The following ATAD3B variants were observed in gnomAD, a reference collection of about 807,000 sequenced individuals.
ATAD3B encodes ATPase family AAA domain containing 3B, also known as ATPase family AAA domain-containing protein 3B.
In ATAD3B, 59 loss-of-function variants were observed where a neutral mutation model predicts 70.2. The observed-to-expected ratio is 0.84, with a 90% CI of 0.68 to 1.04. The LOEUF (loss-of-function observed/expected upper bound fraction) is 1.04. Among genes scored for constraint, ATAD3B ranks in the 50% least tolerant of loss-of-function variants. The pLI is 0.00. For synonymous variants in ATAD3B, 423 were observed against 388.6 expected (o/e 1.09, Z -1.04); for missense variants, 961 against 913.4 (o/e 1.05, Z -0.67).
At chr1:1,503,554 C>T in the ATAD3B span, 4 of 1,595,914 alleles carry the variant, frequency 2.5e-6, no homozygotes, top group African/African-American at 4.0e-5. Context: ...TGTATCCTAA[C>T]ACCCGCCCTC....
At chr1:1,501,993 C>G (rs1033288479), downstream of ATAD3B, among the ~76,000 whole-genome samples, 1 of 151,922 alleles carries the variant, frequency 6.6e-6, no homozygotes, top group African/African-American at 2.4e-5. Context: ...ATTCTCCTGG[C>G]TCAGCCTCCC....
chr1:1,507,386 G>A, the ATAD3B span, among the ~76,000 whole-genome samples: 1 of 152,182 alleles, frequency 6.6e-6, no homozygotes, highest in African/African-American at 2.4e-5. Context: ...ATAAAAGGGT[G>A]TTGAATTTGG....
At chr1:1,491,581 G>T (rs1428992547) in intron 15 of ATAD3B, among the ~76,000 whole-genome samples, 4 of 151,952 alleles carry the variant, frequency 2.6e-5, no homozygotes, top group Admixed American at 2.6e-4. Context: ...GCAAAACCAG[G>T]TCTGTGGGGT....
At position 1,495,644 on chromosome 1, in the gene ATAD3B, A is replaced by T; in HGVS notation, c.1774A>T (p.Thr592Ser). 1 of 1,612,540 alleles carries T rather than the reference A, an allele frequency of 6.2e-7. No homozygotes were observed. Among genetic ancestry groups the T allele is most frequent in the Non-Finnish European group, 8.5e-7 (1 of 1,179,152 alleles). Reference protein sequence around the residue: ...EHPLSGVQGETLTSWSLATDP... With the variant: ...EHPLSGVQGESLTSWSLATDP... ...CCCCCTATCCGGAGTCCAAGGCGAG[A>T]CCCTCACCTCATGGAGCCTGGCCAC... is the stretch of plus-strand genomic sequence containing the variant. Residue 592 changes from threonine (T) to serine (S), a missense_variant, in exon 16 of 16, where the codon ACC (threonine) becomes TCC (serine). By Grantham distance (58) the Thr-to-Ser change is moderately conservative (BLOSUM62 1). Coordinates refer to ENST00000673477, the MANE Select transcript of ATAD3B (RefSeq NM_031921.6).
chr1:1,498,571 C>T (rs1390718336), downstream of ATAD3B, among the ~76,000 whole-genome samples: 6 of 151,662 alleles, frequency 4.0e-5, no homozygotes, highest in Admixed American at 3.3e-4. Context: ...TTGGGTTTTT[C>T]TCCTCTCCTA....
At chr1:1,494,169 G>A (rs574060559) in intron 15 of ATAD3B, among the ~76,000 whole-genome samples, 2 of 150,096 alleles carry the variant, frequency 1.3e-5, no homozygotes, top group East Asian at 2.0e-4. Flanking sequence ...ACCCACCCGC[G>A]ACCAGGTTTT....
chr1:1,489,814 C>A, intron 13 of ATAD3B: 1 of 1,266,646 alleles, frequency 7.9e-7, no homozygotes, highest in Non-Finnish European at 1.0e-6. Context: ...TGACTCAGGT[C>A]CTTCCCAGAG....
intron 5 of ATAD3B, among the ~76,000 whole-genome samples, chr1:1,481,691 T>A (rs1213551141): frequency 7.0e-6 from 1 of 143,390 alleles, no homozygotes; most frequent in East Asian, 2.1e-4. Context: ...TGAGGGGGGC[T>A]TCCTTCAGAA....
At chr1:1,487,093 C>T (rs1323796930) in intron 11 of ATAD3B, among the ~76,000 whole-genome samples, 1 of 152,088 alleles carries the variant, frequency 6.6e-6, no homozygotes, top group Non-Finnish European at 1.5e-5. Context: ...TGACCCCGCG[C>T]AGGGCACAGC....
intron 1 of ATAD3B, among the ~76,000 whole-genome samples, chr1:1,474,900 G>A (rs1639516537): frequency 6.6e-6 from 1 of 150,858 alleles, no homozygotes; most frequent in South Asian, 2.1e-4. Context: ...CTTTCTTGCT[G>A]CAGGCTTATT....
At chr1:1,506,134 G>C in the ATAD3B span, among the ~76,000 whole-genome samples, 1 of 152,128 alleles carries the variant, frequency 6.6e-6, no homozygotes, top group Non-Finnish European at 1.5e-5. Context: ...CTGGGAGGCT[G>C]AGAGGCAGGA....
In ATAD3B at chr1:1,489,756, C is replaced by G. The variant is rs61744102; in HGVS notation, c.1337+482C>G. The G allele has an allele frequency of 5.1e-3, 6,690 of 1,306,758 alleles. 309 individuals carry two copies. The African/African-American group carries it at 0.089, about 17-fold the overall frequency. 80.9% of individuals were successfully genotyped at this position (1,306,758 alleles called of 1,614,324 possible). The stretch of plus-strand genomic sequence containing the variant: ...TCGGCCGTGGCTGACTCTTCAGGCA[C>G]GTTGGGCTCCTGGGTCAGCTGCTGC... On this transcript the variant is annotated intron_variant, in intron 13 of 15. Coordinates refer to ENST00000673477, the MANE Select transcript of ATAD3B (RefSeq NM_031921.6).
chr1:1,489,830 A>G, intron 13 of ATAD3B: 2 of 1,244,592 alleles, frequency 1.6e-6, no homozygotes, highest in Middle Eastern at 3.6e-4. Context: ...CAGAGAGGCA[A>G]GGCTGGGGCC....
chr1:1,508,631 A>G, the ATAD3B span, among the ~76,000 whole-genome samples: 2 of 151,388 alleles, frequency 1.3e-5, no homozygotes, highest in Admixed American at 1.3e-4. Flanking sequence ...TCTGGCAGAA[A>G]GGCTGGACCT....
At chr1:1,502,488 A>G (rs1318603385), downstream of ATAD3B, among the ~76,000 whole-genome samples, 6 of 145,720 alleles carry the variant, frequency 4.1e-5, no homozygotes, top group Admixed American at 7.0e-5. Context: ...GATTACAGGC[A>G]TGAGCCACCG....
At chr1:1,477,236 T>C in intron 1 of ATAD3B, 38 bp from the exon 2 acceptor site, 1 of 1,609,816 alleles carries the variant, frequency 6.2e-7, no homozygotes, top group Non-Finnish European at 8.5e-7. Context: ...GGTATCCGTG[T>C]ATCCTACACC....
chr1:1,508,555 G>A, the ATAD3B span, among the ~76,000 whole-genome samples: 1 of 151,436 alleles, frequency 6.6e-6, no homozygotes, highest in Non-Finnish European at 1.5e-5. Context: ...CCCTGACCCT[G>A]ACCCACGGGT....
chr1:1,482,212 G>C lies in ATAD3B; in HGVS notation c.589G>C (p.Ala197Pro), dbSNP rs778410435. The C allele has an allele frequency of 1.7e-5, 28 of 1,611,026 alleles. No individual in the cohort carries two copies. The East Asian group carries it at 6.0e-4, about 35-fold the overall frequency. Residue 197 changes from alanine (A) to proline (P), a missense_variant, in exon 6 of 16, where the codon GCC becomes CCC. Transcript: ENST00000673477. ...LRVETEARAR[A>P]KAERENADII... ...AGTGGAGACCGAGGCCCGGGCGCGC[G>C]CCAAGGCCGAGCGGGAGAATGCAGA...
At chr1:1,504,522 C>A in the ATAD3B span, among the ~76,000 whole-genome samples, 1 of 151,778 alleles carries the variant, frequency 6.6e-6, no homozygotes, top group Non-Finnish European at 1.5e-5. Flanking sequence ...TGGTGGCGGG[C>A]GCCTGTAATC....
Sources: allele counts gnomAD v4.1 joint callset (sites outside exome capture counted in the v4.1 genomes callset), GRCh38; gene constraint gnomAD v4.1.1; transcripts MANE v1.5; gene names NCBI Gene and HGNC (gene_info 2026-07-23, HGNC 2026-07-21).